FARP2: variants seen among roughly 807,000 people sequenced by gnomAD.
FARP2 encodes FERM, ARH/RhoGEF and pleckstrin domain protein 2.
In FARP2, 111 loss-of-function variants were observed where a neutral mutation model predicts 130.5. The ratio of observed to expected loss-of-function variants is 0.85; its 90% CI spans 0.73 to 1.00. The LOEUF (loss-of-function observed/expected upper bound fraction) is 1.00. Among genes scored for constraint, FARP2 ranks in the 50% least tolerant of loss-of-function variants. The probability of loss-of-function intolerance (pLI) is 0.00; values close to 1 mark genes in which losing one functional copy is unlikely to be tolerated. For missense variants in FARP2, 1,385 were observed against 1,346.3 expected (o/e 1.03, Z -0.45); for synonymous variants, 504 against 516.9 (o/e 0.98, Z 0.34).
intron 6 of FARP2, among the ~76,000 whole-genome samples, chr2:241,411,905 G>A (rs185554174): frequency 1.3e-5 from 2 of 152,288 alleles, no homozygotes; most frequent in East Asian, 1.9e-4. Flanking sequence ...ACCAGGGGAC[G>A]TGTTGATTAA....
intron 2 of FARP2, among the ~76,000 whole-genome samples, chr2:241,392,892 G>A (rs1458905127): frequency 2.7e-5 from 4 of 150,712 alleles, no homozygotes; most frequent in African/African-American, 9.8e-5. Flanking sequence ...GCAGTGAGCC[G>A]AGATGGCACC....
intron 17 of FARP2, chr2:241,466,668 G>T (rs924033033): frequency 1.2e-6 from 1 of 814,524 alleles, no homozygotes; most frequent in Non-Finnish European, 1.4e-6. Context: ...GGCCAGCCCC[G>T]CCTTCACTCC....
At chr2:241,442,342 C>T (rs1265095804) in intron 13 of FARP2, 2 of 456,624 alleles carry the variant, frequency 4.4e-6, no homozygotes, top group East Asian at 6.9e-5. Context: ...CAGCTACCCA[C>T]CCACGACGGC....
chr2:241,493,610 TTG>T, intron 26 of FARP2, 166 bp downstream of exon 26: 1 of 623,786 alleles, frequency 1.6e-6, no homozygotes, highest in Admixed American at 2.9e-5. Flanking sequence ...TTTTTTTTTT[TTG>T]GAGATGGCGT....
At chr2:241,466,612 C>T (rs911208685) in intron 17 of FARP2, 18 of 985,130 alleles carry the variant, frequency 1.8e-5, no homozygotes, top group Non-Finnish European at 2.2e-5. Context: ...AGCCCAGCTT[C>T]CTGCATCCCC....
chr2:241,384,755 A>G (rs906722596), intron 2 of FARP2, among the ~76,000 whole-genome samples: 1 of 152,294 alleles, frequency 6.6e-6, no homozygotes, highest in Middle Eastern at 3.4e-3. Context: ...TATTAAAGCA[A>G]TTTTCAATTA....
chr2:241,464,066 C>T lies in FARP2; in HGVS notation c.1893+86C>T, dbSNP rs1216900420. 4.2e-5 allele frequency: 47 copies of T among 1,122,054 alleles called. No individual in the cohort carries two copies. In the South Asian group the frequency reaches 5.4e-4, roughly 13 times the overall value. The allele number at this position is 1,122,054 out of a possible 1,614,324, so 69.5% of individuals were successfully genotyped here. ...CCGAAGCTGAGGCCCGTCAGAACAG[C>T]GTCCCCTCAGAAAAGGGTCCCCTCA... On this transcript the variant is annotated intron_variant, in intron 17 of 26. Transcript: ENST00000264042.
At chr2:241,409,365 C>T (rs989313149) in intron 5 of FARP2, among the ~76,000 whole-genome samples, 1 of 152,070 alleles carries the variant, frequency 6.6e-6, no homozygotes, top group African/African-American at 2.4e-5. Flanking sequence ...GCCTAGGCAA[C>T]ATGGGGAGAC....
chr2:241,470,136 G>A (rs1353040746), intron 18 of FARP2, among the ~76,000 whole-genome samples: 1 of 152,336 alleles, frequency 6.6e-6, no homozygotes, highest in East Asian at 1.9e-4. Context: ...GTGTGCAAAT[G>A]TTACCAGCCT....
At chr2:241,438,503 G>A (rs2063299456) in intron 12 of FARP2, among the ~76,000 whole-genome samples, 1 of 152,072 alleles carries the variant, frequency 6.6e-6, no homozygotes, top group African/African-American at 2.4e-5. Context: ...ACTGCAGTGA[G>A]CCACAATTGT....
chr2:241,493,249 G>A (rs771864132), intron 25 of FARP2, 44 bp from the exon 26 acceptor site: 7 of 1,602,462 alleles, frequency 4.4e-6, no homozygotes, highest in Non-Finnish European at 6.0e-6. Context: ...CATTCCCTGT[G>A]GCAACCCAGC....
chr2:241,393,007 C>T (rs1318490747), intron 2 of FARP2, among the ~76,000 whole-genome samples: 2 of 151,584 alleles, frequency 1.3e-5, no homozygotes, highest in African/African-American at 4.8e-5. Context: ...AACGCTACTC[C>T]TGATGGTTCT....
In FARP2 at chr2:241,494,057, A is replaced by G. The variant is rs763194660; in HGVS notation, c.3097A>G (p.Ser1033Gly). The change falls in exon 27 of 27, where the codon AGC becomes GGC. Residue 1033 changes from serine to glycine, a missense_variant. By Grantham distance (56) the Ser-to-Gly change is moderately conservative. Transcript: ENST00000264042. The surrounding 1 kb of genome is among the most constrained non-coding windows in gnomAD (Gnocchi z 4.9). ...GASSSAGRAP[S>G]IVQDGPQPSS... ...CAGCAGCTCAGCCGGGAGGGCCCCA[A>G]GCATCGTGCAGGATGGCCCCCAACC... 22 of 1,428,330 alleles carry G rather than the reference A, an allele frequency of 1.5e-5. No individual in the cohort carries two copies. The highest frequency in any genetic ancestry group is 2.0e-5 in the Non-Finnish European group (22 of 1,091,126). 88.5% of individuals were successfully genotyped at this position (1,428,330 alleles called of 1,614,324 possible). A position where few individuals can be genotyped will look rare whatever the true frequency, so the allele number is the denominator to read the frequency against.
In FARP2 at chr2:241,407,548, G is replaced by C. The variant is rs781741503; in HGVS notation, c.343G>C (p.Val115Leu). 1 of 1,613,960 alleles carries C rather than the reference G, an allele frequency of 6.2e-7. No homozygotes were observed. The highest frequency in any genetic ancestry group is 1.7e-5 in the Admixed American group (1 of 60,028). ...IIRQIRRPKN[V>L]VLRLAVKFFP... ...TTTTTTTGTTATAGGGCCAAAGAAT[G>C]TGGTGCTTCGCCTAGCTGTAAAATT... Residue 115 changes from valine (V) to leucine (L), a missense_variant, in exon 5 of 27, where the codon GTG becomes CTG. Transcript: ENST00000264042.
chr2:241,405,925 C>T (rs1455837541), intron 4 of FARP2, among the ~76,000 whole-genome samples: 1 of 151,578 alleles, frequency 6.6e-6, no homozygotes, highest in Non-Finnish European at 1.5e-5. Context: ...CAGATTGAGA[C>T]TGCATCTGAG....
chr2:241,457,775 G>A (rs2063899770), intron 14 of FARP2, among the ~76,000 whole-genome samples: 7 of 151,470 alleles, frequency 4.6e-5, no homozygotes, highest in Admixed American at 3.3e-4. Flanking sequence ...TGGGTGCTAA[G>A]GGAGGGTGCA....
intron 13 of FARP2, chr2:241,446,339 A>C (rs1481776583): frequency 6.7e-6 from 1 of 150,338 alleles, no homozygotes; most frequent in Non-Finnish European, 1.5e-5. Context: ...TAGCACACCA[A>C]AAAAAAAAGA....
chr2:241,360,598 C>T (rs1317281960), intron 1 of FARP2, among the ~76,000 whole-genome samples: 16 of 150,200 alleles, frequency 1.1e-4, no homozygotes, highest in East Asian at 2.0e-4. Context: ...CACTTGAACC[C>T]GAGAGGTGGA....
chr2:241,463,997 C>T lies in FARP2; in HGVS notation c.1893+17C>T, dbSNP rs1310480687. 1.2e-6 allele frequency: 2 copies of T among 1,601,722 alleles called. No individual in the cohort carries two copies. The highest frequency in any genetic ancestry group is 1.7e-6 in the Non-Finnish European group (2 of 1,169,044). The stretch of plus-strand genomic sequence containing the variant: ...CAGTTAAAGGTAGGCTGCATGGTGA[C>T]TACTGCCTACATGAATGCTGTTTAT... On this transcript the variant is annotated intron_variant, in intron 17 of 26. Transcript: ENST00000264042.
Sources: gnomAD v4.1 joint callset for allele counts (sites outside exome capture counted in the v4.1 genomes callset) on GRCh38, gnomAD v4.1.1 for gene constraint, Gnocchi (gnomAD v3.1) non-coding constraint, MANE v1.5 for transcripts, NCBI Gene and HGNC (gene_info 2026-07-23, HGNC 2026-07-21) for gene names.